Variants in TAP2 observed in about 807,000 individuals in gnomAD.
TAP2 encodes transporter 2, ATP binding cassette subfamily B member, also known as antigen peptide transporter 2.
In TAP2, 49 loss-of-function variants were observed where a neutral mutation model predicts 74.7. The ratio of observed to expected loss-of-function variants is 0.66; its 90% CI spans 0.52 to 0.83. The LOEUF (loss-of-function observed/expected upper bound fraction) is 0.83, where lower values mean the gene tolerates loss of function less well. TAP2 is among the 40% of genes least tolerant of loss of function. TAP2 has a pLI of 0.00. For missense variants in TAP2, 739 were observed against 859.0 expected (o/e 0.86, Z 1.75); for synonymous variants, 306 against 368.4 (o/e 0.83, Z 1.94).
intron 1 of TAP2, 103 bp from the exon 2 acceptor site, chr6:32,838,340 A>C: frequency 7.0e-7 from 1 of 1,422,430 alleles, no homozygotes; most frequent in South Asian, 1.5e-5. Context: ...TCGGCTTCTC[A>C]TTTTATCCTA....
In TAP2 at chr6:32,827,017, G is replaced by T. The variant is rs1231974970; in HGVS notation, c.*1889C>A. The T allele has an allele frequency of 1.0e-6, 1 of 985,306 alleles. No individual in the cohort carries two copies. Among genetic ancestry groups the T allele is most frequent in the Non-Finnish European group, 1.2e-6 (1 of 829,934 alleles). 61.0% of individuals were successfully genotyped at this position (985,306 alleles called of 1,614,324 possible). Reference sequence around the variant, plus strand: ...AATTTGAGAGATGGATGGGTGTGGAGCTGCAAGTCAGCCCCAGGATGAAAG... The same window carrying T: ...AATTTGAGAGATGGATGGGTGTGGATCTGCAAGTCAGCCCCAGGATGAAAG... On this transcript the variant is annotated 3_prime_UTR_variant, in exon 12 of 12. Transcript: ENST00000374897.
intron 10 of TAP2, 25 bp downstream of exon 10, chr6:32,829,905 C>T (rs1164323351): frequency 6.2e-7 from 1 of 1,612,922 alleles, no homozygotes; most frequent in Non-Finnish European, 8.5e-7. Flanking sequence ...ACTGAAGGAG[C>T]AAGCTTACAA....
At position 32,835,738 on chromosome 6, in the gene TAP2, G is replaced by C; in HGVS notation, c.644C>G (p.Thr215Ser). ...CAAGTTGATTCGAGACATGGTGTAG[G>C]TGAAGCAGCCTCCTCGGCAGCCTGC... Reference protein sequence around the residue: ...LSAGCRGGCFTYTMSRINLRI... With the variant: ...LSAGCRGGCFSYTMSRINLRI... Residue 215 changes from threonine to serine, a missense_variant, in exon 4 of 12, where the codon ACC (threonine) becomes AGC (serine). By Grantham distance (58) the Thr-to-Ser change is moderately conservative. Transcript: ENST00000374897. The surrounding 1 kb of genome is among the most constrained non-coding windows in gnomAD (Gnocchi z 4.0). 1 of 1,613,144 alleles carries C rather than the reference G, an allele frequency of 6.2e-7. No homozygotes were observed. Among genetic ancestry groups the C allele is most frequent in the African/African-American group, 1.3e-5 (1 of 75,040 alleles).
In TAP2 at chr6:32,828,691, A is replaced by AACCCCCCCCCCCC; in HGVS notation, c.*214_*215insGGGGGGGGGGGGT. The AACCCCCCCCCCCC allele has an allele frequency of 1.7e-6, 1 of 601,280 alleles. No individual in the cohort carries two copies. Among genetic ancestry groups the AACCCCCCCCCCCC allele is most frequent in the Non-Finnish European group, 2.0e-6 (1 of 510,148 alleles). 37.2% of individuals were successfully genotyped at this position (601,280 alleles called of 1,614,324 possible). A position where few individuals can be genotyped will look rare whatever the true frequency, so the allele number is the denominator to read the frequency against. On this transcript the variant is annotated 3_prime_UTR_variant, in exon 12 of 12. Transcript: ENST00000374897. ...ACACAGACAGCCCCCACCCCACCCC[A>AACCCCCCCCCCCC]CCCCACCTCTCTACCCCACCAAAAG...
chr6:32,828,690 C>CCCCCCCCCCCAACAA lies in TAP2; in HGVS notation c.*215_*216insTTGTTGGGGGGGGGG. ...GACACAGACAGCCCCCACCCCACCC[C>CCCCCCCCCCCAACAA]ACCCCACCTCTCTACCCCACCAAAA... On this transcript the variant is annotated 3_prime_UTR_variant, in exon 12 of 12. Transcript: ENST00000374897. The CCCCCCCCCCCAACAA allele has an allele frequency of 9.8e-7, 1 of 1,016,344 alleles. No individual in the cohort carries two copies. Among genetic ancestry groups the CCCCCCCCCCCAACAA allele is most frequent in the Non-Finnish European group, 1.2e-6 (1 of 844,318 alleles). The allele number at this position is 1,016,344 out of a possible 1,614,324, so 63.0% of individuals were successfully genotyped here. A position where few individuals can be genotyped will look rare whatever the true frequency, so the allele number is the denominator to read the frequency against.
In TAP2 at chr6:32,829,458, G is replaced by A. The variant is rs768383489; in HGVS notation, c.1874C>T (p.Pro625Leu). 1.7e-5 allele frequency: 27 copies of A among 1,613,478 alleles called. No individual in the cohort carries two copies. The highest frequency in any genetic ancestry group is 2.3e-5 in the Non-Finnish European group (27 of 1,179,818). The part of the protein sequence containing the change: ...LAIARALVRD[P>L]RVLILDEATS... Reference sequence around the variant, plus strand: ...AGCCTCATCCAGGATGAGGACCCGCGGGTCTCGTACAAGGGCCCGGGCAAT... The same window carrying A: ...AGCCTCATCCAGGATGAGGACCCGCAGGTCTCGTACAAGGGCCCGGGCAAT... Residue 625 changes from proline (P) to leucine (L), a missense_variant, in exon 11 of 12, where the codon CCG becomes CTG. Pro to Leu is a moderately conservative substitution (Grantham distance 98, BLOSUM62 -3). Coordinates refer to ENST00000374897, the MANE Select transcript of TAP2 (RefSeq NM_001290043.2).
chr6:32,829,554 ATTCCCTTC>A lies in TAP2; in HGVS notation c.1796-26_1796-19del, dbSNP rs1487397709. On this transcript the variant is annotated intron_variant, in intron 10 of 11. Coordinates refer to ENST00000374897, the MANE Select transcript of TAP2 (RefSeq NM_001290043.2). ...CCCTACATCTGAGGAAATCAGAGAA[ATTCCCTTC>A]CTCAGATACAAGTGACACAGACAAC... 1 of 1,614,028 alleles carries A rather than the reference ATTCCCTTC, an allele frequency of 6.2e-7. No homozygotes were observed.
At chr6:32,831,707 G>T (rs535953286) in intron 7 of TAP2, among the ~76,000 whole-genome samples, 5 of 152,298 alleles carry the variant, frequency 3.3e-5, no homozygotes, top group Non-Finnish European at 7.3e-5. Context: ...AATAAACTGT[G>T]CAAGGGAAAC....
At chr6:32,823,076 C>T (rs1336561617), downstream of TAP2, among the ~76,000 whole-genome samples, 2 of 151,998 alleles carry the variant, frequency 1.3e-5, no homozygotes, top group African/African-American at 4.8e-5. Context: ...CCCACCACCA[C>T]ACCCAGCTAA....
chr6:32,833,999 A>G lies in TAP2; in HGVS notation c.945+1155T>C, dbSNP rs201678242. Among the ~76,000 whole-genome samples, 11 of 152,310 alleles carry G rather than the reference A, an allele frequency of 7.2e-5. No homozygotes were observed. The East Asian group carries it at 2.1e-3, about 29-fold the overall frequency. ...GGTCTTCCCAGCCACATGGAACTGTAAGTCCAATAAACCTCTTTCTTTTGT... is the reference window on the plus strand; with the variant it reads ...GGTCTTCCCAGCCACATGGAACTGTGAGTCCAATAAACCTCTTTCTTTTGT... On this transcript the variant is annotated intron_variant, in intron 5 of 11. Transcript: ENST00000374897.
In TAP2 at chr6:32,835,583, A is replaced by G; in HGVS notation, c.739+60T>C. 1 of 1,610,610 alleles carries G rather than the reference A, an allele frequency of 6.2e-7. No homozygotes were observed. Among genetic ancestry groups the G allele is most frequent in the Non-Finnish European group, 8.5e-7 (1 of 1,178,054 alleles). ...AGGCAGGAGGAGAGGCTGTGGGTGG[A>G]AGGTCACTGAGGGGCAAGGGATGTC... is the stretch of plus-strand genomic sequence containing the variant. On this transcript the variant is annotated intron_variant, in intron 4 of 11. Transcript: ENST00000374897. This position sits in a 1 kb window ranked among gnomAD's most constrained non-coding sequence, Gnocchi z 4.0.
downstream of TAP2, among the ~76,000 whole-genome samples, chr6:32,823,340 T>C (rs960345796): frequency 2.6e-5 from 4 of 152,110 alleles, no homozygotes; most frequent in Non-Finnish European, 5.9e-5. Context: ...AAGAGCTACC[T>C]ATTTGGTATT....
chr6:32,829,527 TC>T lies in TAP2; in HGVS notation c.1804del (p.Glu602ArgfsTer36). On this transcript the variant is annotated frameshift_variant, in exon 11 of 12. Transcript: ENST00000374897. LOFTEE classifies it high-confidence loss of function. ...MEHGIYTDVG[E>X]KGSQLAAGQK... Reference sequence around the variant, plus strand: ...TCCCGCAGCCAGCTGGCTTCCCTTCTCCCCTACATCTGAGGAAATCAGAGAA... The same window carrying T: ...TCCCGCAGCCAGCTGGCTTCCCTTCTCCCTACATCTGAGGAAATCAGAGAA... 6.2e-7 allele frequency: 1 copy of T among 1,614,060 alleles called. No individual in the cohort carries two copies. The highest frequency in any genetic ancestry group is 8.5e-7 in the Non-Finnish European group (1 of 1,180,000).
downstream of TAP2, among the ~76,000 whole-genome samples, chr6:32,824,116 C>T (rs1768486457): frequency 6.6e-6 from 1 of 152,098 alleles, no homozygotes; most frequent in Non-Finnish European, 1.5e-5. Context: ...CATTTTTCCA[C>T]TTATTCTATA....
intron 7 of TAP2, 149 bp from the exon 8 acceptor site, chr6:32,830,955 G>A (rs1458288623): frequency 1.6e-5 from 13 of 818,908 alleles, no homozygotes; most frequent in African/African-American, 5.1e-5. Flanking sequence ...CAATTTGGAC[G>A]GAATTTAAAA....
chr6:32,837,449 C>G, intron 3 of TAP2, 88 bp downstream of exon 3: 1 of 1,128,418 alleles, frequency 8.9e-7, no homozygotes, highest in Non-Finnish European at 1.3e-6. Flanking sequence ...TGTTTTGCGC[C>G]TGAAAGGGCC....
rs1486806353 is a variant in TAP2 at position 32,828,619 on chromosome 6, C to G, written c.*287G>C. Reference sequence around the variant, plus strand: ...ATATGTATTATGCCACAAAATACTCCTCATCACCAGGCAAAGCTCTAGTCA... The same window carrying G: ...ATATGTATTATGCCACAAAATACTCGTCATCACCAGGCAAAGCTCTAGTCA... On this transcript the variant is annotated 3_prime_UTR_variant, in exon 12 of 12. Coordinates refer to ENST00000374897, the MANE Select transcript of TAP2 (RefSeq NM_001290043.2). The G allele has an allele frequency of 8.7e-7, 1 of 1,144,556 alleles. No homozygotes were observed. Among genetic ancestry groups the G allele is most frequent in the Non-Finnish European group, 1.1e-6 (1 of 928,888 alleles). The allele number at this position is 1,144,556 out of a possible 1,614,324, so 70.9% of individuals were successfully genotyped here.
Position 32,837,831 on chromosome 6 carries a change from T to C in TAP2, c.403A>G (p.Lys135Glu). The change falls in exon 2 of 12, where the codon AAA becomes GAA. Residue 135 changes from lysine (K) to glutamate (E), a missense_variant. Coordinates refer to ENST00000374897, the MANE Select transcript of TAP2 (RefSeq NM_001290043.2). ...TTCAGCAGCCTCCACATCAAGACTT[T>C]GTTGTTCACCTGGTCCTGCTCCTTC... ...QEKEQDQVNN[K>E]VLMWRLLKLS... 1.2e-6 allele frequency: 2 copies of C among 1,613,818 alleles called. No individual in the cohort carries two copies. The highest frequency in any genetic ancestry group is 2.2e-5 in the South Asian group (2 of 91,074).
Position 32,828,676 on chromosome 6 carries a change from CCCCCACCCCA to C in TAP2, c.*220_*229del, listed in dbSNP as rs752334656. ...AATTAAGTTTCCTGGACACAGACAG[CCCCCACCCCA>C]CCCCACCCCACCTCTCTACCCCACC... On this transcript the variant is annotated 3_prime_UTR_variant, in exon 12 of 12. Coordinates refer to ENST00000374897, the MANE Select transcript of TAP2 (RefSeq NM_001290043.2). 1.1e-5 allele frequency: 9 copies of C among 802,612 alleles called. 1 individual carries two copies. Among genetic ancestry groups the C allele is most frequent in the Non-Finnish European group, 1.2e-5 (8 of 680,744 alleles). The allele number at this position is 802,612 out of a possible 1,614,324, so 49.7% of individuals were successfully genotyped here.
Sources: gnomAD v4.1 joint callset for allele counts (sites outside exome capture counted in the v4.1 genomes callset) on GRCh38, gnomAD v4.1.1 for gene constraint, Gnocchi (gnomAD v3.1) non-coding constraint, MANE v1.5 for transcripts, NCBI Gene and HGNC (gene_info 2026-07-23, HGNC 2026-07-21) for gene names.